PDE6C: variants seen among roughly 807,000 people sequenced by gnomAD.
The protein encoded by PDE6C is cone cGMP-specific 3',5'-cyclic phosphodiesterase subunit alpha'.
In PDE6C, 75 loss-of-function variants were observed where a neutral mutation model predicts 113.1. The observed-to-expected ratio is 0.66, with a 90% CI of 0.55 to 0.80. PDE6C has a LOEUF of 0.80. Among genes scored for constraint, PDE6C ranks in the 30% least tolerant of loss-of-function variants. The probability of loss-of-function intolerance (pLI) is 0.00; values close to 1 mark genes in which losing one functional copy is unlikely to be tolerated. For synonymous variants in PDE6C, 375 were observed against 363.7 expected (o/e 1.03, Z -0.35); for missense variants, 912 against 1,038.6 (o/e 0.88, Z 1.67).
intron 16 of PDE6C, among the ~76,000 whole-genome samples, chr10:93,656,278 C>T (rs1203136159): frequency 2.0e-5 from 3 of 152,158 alleles, no homozygotes; most frequent in Non-Finnish European, 4.4e-5. Context: ...AAATTTAATT[C>T]TGTCAAAGTC....
At position 93,612,719 on chromosome 10, in the gene PDE6C, C is replaced by A. The variant is rs2058397201; in HGVS notation, c.-7C>A. 1.2e-6 allele frequency: 2 copies of A among 1,613,632 alleles called. No homozygotes were observed. The highest frequency in any genetic ancestry group is 2.2e-5 in the South Asian group (2 of 91,048). The stretch of plus-strand genomic sequence containing the variant: ...TTCTGAACAAACGCAGCAAAGCAAG[C>A]CACACCATGGGTGAGATCAACCAAG... On this transcript the variant is annotated 5_prime_UTR_variant, in exon 1 of 22. Transcript: ENST00000371447.
chr10:93,658,931 T>C lies in PDE6C; in HGVS notation c.2067T>C (p.Asp689=). ...GGACCATGTTTCAAAAAATTGTTGA[T>C]GCCTGTGAACAAATGCAAACGGAAG... ...KKRTMFQKIV[D]ACEQMQTEEE... is the part of the protein sequence containing the mutation. The change falls in exon 17 of 22, where the codon GAT becomes GAC. Residue 689 remains aspartate, a synonymous_variant. Transcript: ENST00000371447. 1.2e-6 allele frequency: 2 copies of C among 1,612,442 alleles called. No individual in the cohort carries two copies. Among genetic ancestry groups the C allele is most frequent in the Non-Finnish European group, 1.7e-6 (2 of 1,178,622 alleles).
chr10:93,634,055 C>T (rs1270854752), intron 8 of PDE6C, among the ~76,000 whole-genome samples: 1 of 151,724 alleles, frequency 6.6e-6, no homozygotes, highest in Admixed American at 6.6e-5. Context: ...TGGAATTTCA[C>T]TCTGCTGCCC....
chr10:93,633,556 C>G (rs1411431875), intron 8 of PDE6C, among the ~76,000 whole-genome samples: 1 of 151,116 alleles, frequency 6.6e-6, no homozygotes, highest in Non-Finnish European at 1.5e-5. Flanking sequence ...CACTCCTAAA[C>G]TTTTGTGCCT....
intron 19 of PDE6C, 143 bp from the exon 20 acceptor site, chr10:93,662,417 T>C (rs6583903): frequency 0.79 from 459,524 of 584,054 alleles, 182,057 homozygotes; most frequent in East Asian, 0.94. Context: ...GAGCCGAGAT[T>C]GTGGCACTGC....
At chr10:93,653,931 T>C (rs535802092) in intron 15 of PDE6C, among the ~76,000 whole-genome samples, 1 of 152,320 alleles carries the variant, frequency 6.6e-6, no homozygotes, top group South Asian at 2.1e-4. Context: ...AGGCATAGTG[T>C]AGTGTCTAAA....
chr10:93,629,749 A>C (rs1046953731), intron 8 of PDE6C, among the ~76,000 whole-genome samples: 2 of 152,084 alleles, frequency 1.3e-5, no homozygotes, highest in South Asian at 2.1e-4. Flanking sequence ...GAGGGTTCAC[A>C]CTCCTATGAG....
chr10:93,636,480 C>T (rs1334446554), intron 10 of PDE6C, among the ~76,000 whole-genome samples: 1 of 147,374 alleles, frequency 6.8e-6, no homozygotes, highest in Admixed American at 6.9e-5. Context: ...GAGTGTAATT[C>T]AGTTTGATAG....
At chr10:93,638,034 G>A (rs1411216800) in intron 11 of PDE6C, among the ~76,000 whole-genome samples, 1 of 152,156 alleles carries the variant, frequency 6.6e-6, no homozygotes, top group African/African-American at 2.4e-5. Flanking sequence ...CTTGTTTCTA[G>A]AAAGTGGCTC....
intron 14 of PDE6C, among the ~76,000 whole-genome samples, chr10:93,643,673 G>A (rs2058570030): frequency 6.6e-6 from 1 of 150,534 alleles, no homozygotes; most frequent in Non-Finnish European, 1.5e-5. Context: ...TTACAGGCCT[G>A]AGCTACTGTA....
At chr10:93,616,056 A>G (rs958742195) in intron 1 of PDE6C, among the ~76,000 whole-genome samples, 1 of 152,226 alleles carries the variant, frequency 6.6e-6, no homozygotes, top group African/African-American at 2.4e-5. Flanking sequence ...AATGTTTCAA[A>G]TGAAATATCT....
At position 93,622,001 on chromosome 10, in the gene PDE6C, C is replaced by G. The variant is rs151029989; in HGVS notation, c.793C>G (p.Leu265Val). ...TDVERQFHKA[L>V]YTVRSYLNCE... ...TGTTGAGCGACAGTTTCACAAAGCG[C>G]TCTACACGGTTAGATCATATCTGAA... is the stretch of plus-strand genomic sequence containing the variant. The change falls in exon 4 of 22, where the codon CTC (leucine) becomes GTC (valine). Residue 265 changes from leucine (L) to valine (V), a missense_variant. Physicochemically the swap from Leu to Val is conservative, Grantham distance 32. Transcript: ENST00000371447. 15 of 1,612,270 alleles carry G rather than the reference C, an allele frequency of 9.3e-6. No homozygotes were observed. The highest frequency in any genetic ancestry group is 1.2e-5 in the Non-Finnish European group (14 of 1,179,302).
In PDE6C at chr10:93,641,014, A is replaced by G. The variant is rs942671862; in HGVS notation, c.1832A>G (p.Asn611Ser). ...GATATTGACCACAGAGGCACCAATA[A>G]TTTGTACCAGATGAAGTAAGTGAAC... Reference protein sequence around the residue: ...CHDIDHRGTNNLYQMKSTSPL... With the variant: ...CHDIDHRGTNSLYQMKSTSPL... The change falls in exon 14 of 22, where the codon AAT becomes AGT. Residue 611 changes from asparagine to serine, a missense_variant. Coordinates refer to ENST00000371447, the MANE Select transcript of PDE6C (RefSeq NM_006204.4). 3 of 1,602,182 alleles carry G rather than the reference A, an allele frequency of 1.9e-6. No homozygotes were observed. Among genetic ancestry groups the G allele is most frequent in the African/African-American group, 1.3e-5 (1 of 74,790 alleles).
intron 8 of PDE6C, among the ~76,000 whole-genome samples, chr10:93,632,539 C>A (rs1479476009): frequency 6.6e-6 from 1 of 152,172 alleles, no homozygotes; most frequent in Non-Finnish European, 1.5e-5. Flanking sequence ...AATGGCAAAG[C>A]ACAAGAATAT....
In PDE6C at chr10:93,640,972, C is replaced by A; in HGVS notation, c.1790C>A (p.Ala597Asp). ...GATCTCGAAGCCTTTGCCATGCTTG[C>A]TGCTGCTTTCTGCCATGATATTGAC... is the stretch of plus-strand genomic sequence containing the variant. ...YTDLEAFAML[A>D]AAFCHDIDHR... The change falls in exon 14 of 22, where the codon GCT becomes GAT. Residue 597 changes from alanine (A) to aspartate (D), a missense_variant. Transcript: ENST00000371447. The A allele has an allele frequency of 6.2e-7, 1 of 1,613,190 alleles. No homozygotes were observed. The highest frequency in any genetic ancestry group is 8.5e-7 in the Non-Finnish European group (1 of 1,179,242).
At chr10:93,629,528 C>T (rs1361928329) in intron 8 of PDE6C, among the ~76,000 whole-genome samples, 1 of 152,204 alleles carries the variant, frequency 6.6e-6, no homozygotes, top group Non-Finnish European at 1.5e-5. Flanking sequence ...ACCTGCCACT[C>T]CTCCATTTGC....
intron 8 of PDE6C, among the ~76,000 whole-genome samples, chr10:93,630,951 T>TA (rs2058498403): frequency 6.6e-6 from 1 of 152,226 alleles, no homozygotes; most frequent in African/African-American, 2.4e-5. Flanking sequence ...GATGTCAGAA[T>TA]AGGATGCATG....
chr10:93,616,958 C>A (rs1177479782), intron 1 of PDE6C, among the ~76,000 whole-genome samples: 1 of 152,076 alleles, frequency 6.6e-6, no homozygotes, highest in Non-Finnish European at 1.5e-5. Flanking sequence ...TGAGAGATAT[C>A]CTCTTTAAGT....
chr10:93,657,560 G>A (rs1057504928), intron 16 of PDE6C, among the ~76,000 whole-genome samples: 3 of 151,982 alleles, frequency 2.0e-5, no homozygotes, highest in African/African-American at 7.2e-5. Context: ...CTTTATTCAT[G>A]CAACATTGTG....
Sources: gnomAD v4.1 joint callset for allele counts (sites outside exome capture counted in the v4.1 genomes callset) on GRCh38, gnomAD v4.1.1 for gene constraint, MANE v1.5 for transcripts, NCBI Gene and HGNC (gene_info 2026-07-23, HGNC 2026-07-21) for gene names.